PTPRE: variants seen among roughly 807,000 people sequenced by gnomAD.
PTPRE encodes the protein receptor-type tyrosine-protein phosphatase epsilon.
In PTPRE, 51 loss-of-function variants were observed where a neutral mutation model predicts 102.0. The observed-to-expected ratio is 0.50, with a 90% confidence interval of 0.40 to 0.63. The LOEUF (loss-of-function observed/expected upper bound fraction) is 0.63. Among genes scored for constraint, PTPRE ranks in the 30% least tolerant of loss-of-function variants. The pLI, the probability that PTPRE is intolerant of heterozygous loss-of-function variation, is 0.00. For missense variants in PTPRE, 752 were observed against 915.1 expected (o/e 0.82, Z 2.30); for synonymous variants, 345 against 348.2 (o/e 0.99, Z 0.10).
intron 1 of PTPRE, among the ~76,000 whole-genome samples, chr10:127,950,149 G>A (rs73376153): frequency 6.6e-6 from 1 of 151,848 alleles, no homozygotes; most frequent in South Asian, 2.1e-4. Flanking sequence ...GAACTACTTT[G>A]GTTTTCTAAT....
intron 1 of PTPRE, among the ~76,000 whole-genome samples, chr10:127,955,477 T>G (rs905087137): frequency 7.2e-5 from 11 of 152,210 alleles, no homozygotes; most frequent in Non-Finnish European, 1.5e-4. Context: ...TCCTCCCTAT[T>G]TTGTTAAGAA....
intron 1 of PTPRE, among the ~76,000 whole-genome samples, chr10:127,940,739 G>C (rs1318408243): frequency 2.0e-5 from 3 of 152,140 alleles, no homozygotes; most frequent in Non-Finnish European, 4.4e-5. Context: ...GAACTCACAG[G>C]CTCAAGCTAT....
rs748714260 is a variant in PTPRE, at chr10:128,069,729, G to A, written c.1045G>A (p.Asp349Asn). 2.5e-6 allele frequency: 4 copies of A among 1,614,190 alleles called. No individual in the cohort carries two copies. In the South Asian group the frequency reaches 3.3e-5, roughly 13 times the overall value. Residue 349 changes from aspartate to asparagine, a missense_variant, in exon 13 of 21, where the codon GAT becomes AAT. This residue lies in a region of PTPRE where 636 missense variants were observed against 824.4 expected (regional missense o/e 0.77). Coordinates refer to ENST00000254667, the MANE Select transcript of PTPRE (RefSeq NM_006504.6). ...CCGGACGGGCACCTTCATTGTGATC[G>A]ATGCCATGATGGCCATGATGCACGC... ...VGRTGTFIVI[D>N]AMMAMMHAEQ...
At chr10:128,031,458 G>A (rs1326723593) in intron 2 of PTPRE, among the ~76,000 whole-genome samples, 1 of 152,202 alleles carries the variant, frequency 6.6e-6, no homozygotes, top group African/African-American at 2.4e-5. Context: ...CACCATTACT[G>A]CCGAGCCCCA....
At chr10:127,924,691 A>T (rs1384444457) in intron 1 of PTPRE, among the ~76,000 whole-genome samples, 1 of 152,270 alleles carries the variant, frequency 6.6e-6, no homozygotes, top group East Asian at 1.9e-4. Flanking sequence ...ATTAACTGAG[A>T]TAACCCAGTT....
chr10:128,060,572 G>C (rs1849495984), intron 7 of PTPRE, among the ~76,000 whole-genome samples: 1 of 152,142 alleles, frequency 6.6e-6, no homozygotes, highest in South Asian at 2.1e-4. Flanking sequence ...ACTGGGGCTG[G>C]GCCCAGTGCA....
intron 1 of PTPRE, among the ~76,000 whole-genome samples, chr10:127,938,805 T>G (rs555647624): frequency 6.6e-6 from 1 of 152,248 alleles, no homozygotes; most frequent in African/African-American, 2.4e-5. Context: ...TTTCTTAGAG[T>G]AGAGATTGCC....
chr10:128,028,065 G>A lies in PTPRE; in HGVS notation c.-7-12810G>A, dbSNP rs1032501858. On this transcript the variant is annotated intron_variant, in intron 2 of 20. Coordinates refer to ENST00000254667, the MANE Select transcript of PTPRE (RefSeq NM_006504.6). This position sits in a 1 kb window ranked among gnomAD's most constrained non-coding sequence, Gnocchi z 4.5. ...GTTCCGGCTTTGGCTGGGGGCGTGG[G>A]AGTCTCCAGAGGCAGCGAGCCCAGG... Among the ~76,000 whole-genome samples the A allele has an allele frequency of 6.6e-6, 1 of 152,252 alleles. No homozygotes were observed. The highest frequency in any genetic ancestry group is 1.5e-5 in the Non-Finnish European group (1 of 68,042).
chr10:128,061,494 G>C (rs1298914713), intron 8 of PTPRE, among the ~76,000 whole-genome samples, 185 bp from the exon 9 acceptor site: 1 of 152,116 alleles, frequency 6.6e-6, no homozygotes, highest in African/African-American at 2.4e-5. Flanking sequence ...ACTAGAGAGG[G>C]GACGTATGAA....
chr10:128,063,531 A>C (rs1363472034), intron 10 of PTPRE, among the ~76,000 whole-genome samples: 1 of 152,264 alleles, frequency 6.6e-6, no homozygotes, highest in African/African-American at 2.4e-5. Flanking sequence ...AGCTCAGGCT[A>C]GAAATGAACA....
At chr10:128,047,661 A>C (rs1268653293) in intron 4 of PTPRE, 103 bp from the exon 5 acceptor site, 2 of 1,614,122 alleles carry the variant, frequency 1.2e-6, no homozygotes, top group Non-Finnish European at 8.5e-7. Flanking sequence ...GAGCAACAGG[A>C]GTAGCTTTTC....
intron 1 of PTPRE, among the ~76,000 whole-genome samples, chr10:127,960,529 G>T (rs12767640): frequency 6.6e-6 from 1 of 152,004 alleles, no homozygotes; most frequent in Non-Finnish European, 1.5e-5. Flanking sequence ...CCCCGAGTCC[G>T]GTCTGACCGT....
At chr10:127,923,986 C>T (rs1456919040) in intron 1 of PTPRE, among the ~76,000 whole-genome samples, 1 of 152,068 alleles carries the variant, frequency 6.6e-6, no homozygotes, top group African/African-American at 2.4e-5. Context: ...ATGATGAGTC[C>T]AGGGTACATT....
At chr10:127,924,207 G>A (rs1315302992) in intron 1 of PTPRE, among the ~76,000 whole-genome samples, 3 of 152,138 alleles carry the variant, frequency 2.0e-5, no homozygotes, top group Non-Finnish European at 2.9e-5. Context: ...GAGGGCAAGC[G>A]AAGGTGGGTG....
chr10:128,010,807 G>T (rs1160271845), intron 2 of PTPRE, among the ~76,000 whole-genome samples: 1 of 152,086 alleles, frequency 6.6e-6, no homozygotes, highest in African/African-American at 2.4e-5. Context: ...TAGCCAGGAT[G>T]GTCTTGATCT....
At chr10:127,948,738 T>C (rs575059470) in intron 1 of PTPRE, among the ~76,000 whole-genome samples, 41 of 152,322 alleles carry the variant, frequency 2.7e-4, no homozygotes, top group African/African-American at 9.4e-4. Context: ...GGTACCACAG[T>C]TTATTTAGCC....
chr10:127,928,471 G>A (rs544081737), intron 1 of PTPRE, among the ~76,000 whole-genome samples: 13 of 152,288 alleles, frequency 8.5e-5, no homozygotes, highest in South Asian at 6.2e-4. Flanking sequence ...AGGGACCATC[G>A]GTTGAATTGA....
rs61875296 is a variant in PTPRE, at chr10:128,072,368, A to G, written c.1464+154A>G. On this transcript the variant is annotated intron_variant, in intron 16 of 20. Coordinates refer to ENST00000254667, the MANE Select transcript of PTPRE (RefSeq NM_006504.6). ...GCAGAATTACTTGCTTAAAAAAAAAAGTGGCAAGGCACGATGGCTCACACC... is the reference window on the plus strand; with the variant it reads ...GCAGAATTACTTGCTTAAAAAAAAAGGTGGCAAGGCACGATGGCTCACACC... 9 of 697,884 alleles carry G rather than the reference A, an allele frequency of 1.3e-5. 1 individual carries two copies. The highest frequency in any genetic ancestry group is 2.1e-5 in the Non-Finnish European group (9 of 429,668). 43.2% of individuals were successfully genotyped at this position (697,884 alleles called of 1,614,324 possible).
At chr10:127,982,489 CGTGTGTGTGTGTGTGTGT>C (rs59170572) in intron 2 of PTPRE, among the ~76,000 whole-genome samples, 193 bp downstream of exon 2, 25 of 142,720 alleles carry the variant, frequency 1.8e-4, no homozygotes, top group Admixed American at 7.1e-4. Flanking sequence ...ACATCATTTG[CGTGTGTGTGTGTGTGTGT>C]GTGTGTGTGT....
Sources: gnomAD v4.1 joint callset for allele counts (sites outside exome capture counted in the v4.1 genomes callset) on GRCh38, gnomAD v4.1.1 for gene constraint, gnomAD v4.1.1 regional missense constraint, Gnocchi (gnomAD v3.1) non-coding constraint, MANE v1.5 for transcripts, NCBI Gene and HGNC (gene_info 2026-07-23, HGNC 2026-07-21) for gene names.